Variants in NEK10 observed in about 807,000 individuals in gnomAD.
The protein encoded by NEK10 is serine/threonine-protein kinase Nek10.
Under a neutral mutation model 159.8 loss-of-function variants are expected in NEK10, and 122 were observed. The ratio of observed to expected loss-of-function variants is 0.76; its 90% confidence interval spans 0.66 to 0.89. The LOEUF (loss-of-function observed/expected upper bound fraction) is 0.89. Among genes scored for constraint, NEK10 ranks in the 40% least tolerant of loss-of-function variants. NEK10 has a pLI of 0.00. For synonymous variants in NEK10, 466 were observed against 457.1 expected, an observed-to-expected ratio of 1.02 and a Z score of -0.25; for missense variants, 1,342 against 1,323.1, an observed-to-expected ratio of 1.01 and a Z score of -0.22.
chr3:27,291,679 G>C, intron 16 of NEK10, 93 bp from the exon 17 acceptor site: 1 of 745,546 alleles, frequency 1.3e-6, no homozygotes, highest in East Asian at 2.7e-5. Context: ...GTCTCACTGT[G>C]TCACCCAGGC....
At chr3:27,234,888 A>G (rs2370945) in intron 23 of NEK10, among the ~76,000 whole-genome samples, 60,927 of 152,008 alleles carry the variant, frequency 0.4, 13,451 homozygotes, top group African/African-American at 0.6. Context: ...TAGTAACCAA[A>G]ACAGCATGGT....
intron 1 of NEK10, among the ~76,000 whole-genome samples, chr3:27,366,801 G>A (rs957001909): frequency 3.5e-5 from 5 of 142,792 alleles, no homozygotes; most frequent in Non-Finnish European, 7.5e-5. Context: ...AGACTTCAGT[G>A]TGTTCATTTT....
chr3:27,291,459 A>C, intron 17 of NEK10, 25 bp downstream of exon 17: 1 of 1,601,976 alleles, frequency 6.2e-7, no homozygotes, highest in Non-Finnish European at 8.6e-7. Flanking sequence ...GCAGCCTGCC[A>C]AAATATTGAA....
At chr3:27,331,698 A>G (rs2046432148) in intron 5 of NEK10, among the ~76,000 whole-genome samples, 2 of 152,152 alleles carry the variant, frequency 1.3e-5, no homozygotes, top group South Asian at 2.1e-4. Flanking sequence ...CTAAACACAT[A>G]ACTATATTAA....
intron 22 of NEK10, among the ~76,000 whole-genome samples, chr3:27,262,983 G>A (rs930873608): frequency 5.3e-5 from 8 of 152,116 alleles, no homozygotes; most frequent in East Asian, 1.9e-4. Context: ...TGATGGTGAC[G>A]TACAGATGGG....
chr3:27,196,664 A>G lies in NEK10; in HGVS notation c.2292-4422T>C, dbSNP rs569751488. On this transcript the variant is annotated intron_variant, in intron 25 of 35. Coordinates refer to ENST00000691995, the MANE Select transcript of NEK10 (RefSeq NM_001394966.1). ...GGTCTATTAGTTTCAGAAGAGATTT[A>G]CAGTCTATTTGCCCAGATTCACAAA... 1.8e-4 allele frequency among the ~76,000 whole-genome samples: 27 copies of G among 152,348 alleles called. No individual in the cohort carries two copies. The South Asian group carries it at 5.4e-3, about 30-fold the overall frequency.
intron 23 of NEK10, chr3:27,214,919 A>T: frequency 9.5e-7 from 1 of 1,052,174 alleles, no homozygotes; most frequent in Non-Finnish European, 1.5e-6. Context: ...TCTTCTTTTA[A>T]AGAAGGTGAG....
chr3:27,195,861 A>G (rs1031128916), intron 25 of NEK10, among the ~76,000 whole-genome samples: 2 of 152,194 alleles, frequency 1.3e-5, no homozygotes, highest in Admixed American at 1.3e-4. Flanking sequence ...TGTACATAAT[A>G]CAATATCATT....
chr3:27,243,171 G>A (rs1342626055), intron 23 of NEK10, among the ~76,000 whole-genome samples: 3 of 152,020 alleles, frequency 2.0e-5, no homozygotes, highest in African/African-American at 7.2e-5. Context: ...TCTTGTGTTA[G>A]CATCGTGTCA....
chr3:27,158,436 G>C (rs1945710354), intron 30 of NEK10, among the ~76,000 whole-genome samples: 1 of 152,014 alleles, frequency 6.6e-6, no homozygotes, highest in South Asian at 2.1e-4. Context: ...TTCGTATAAG[G>C]ACAACTAGAA....
At chr3:27,256,912 CTTTT>C (rs550014186) in intron 22 of NEK10, among the ~76,000 whole-genome samples, 29,525 of 123,862 alleles carry the variant, frequency 0.24, 2,024 homozygotes, top group Middle Eastern at 0.33. Context: ...TTTTTTCTCT[CTTTT>C]TTTTTTTTTT....
In NEK10 at chr3:27,310,778, T is replaced by A. The variant is rs114537143; in HGVS notation, c.636+171A>T. 799 of 474,076 alleles carry A rather than the reference T, an allele frequency of 1.7e-3. 4 individuals are homozygous for A. The highest frequency in any genetic ancestry group is 0.012 in the African/African-American group (614 of 50,220). 29.4% of individuals were successfully genotyped at this position (474,076 alleles called of 1,614,324 possible). On this transcript the variant is annotated intron_variant, in intron 9 of 35. Coordinates refer to ENST00000691995, the MANE Select transcript of NEK10 (RefSeq NM_001394966.1). The stretch of plus-strand genomic sequence containing the variant: ...TATTTATTATATCTCTATTAACTTG[T>A]AATGCTGGTAAAGAATATAAAAGGG...
chr3:27,354,642 T>C (rs1391590331), intron 1 of NEK10, among the ~76,000 whole-genome samples: 1 of 152,186 alleles, frequency 6.6e-6, no homozygotes. Flanking sequence ...GTCTACACTA[T>C]AATACAAAAT....
chr3:27,143,542 T>C, intron 30 of NEK10: 2 of 711,764 alleles, frequency 2.8e-6, no homozygotes, highest in South Asian at 1.5e-5. Context: ...GCAATTTTTT[T>C]AACTCAAAAA....
At chr3:27,138,396 T>C (rs764036351) in intron 31 of NEK10, among the ~76,000 whole-genome samples, 9 of 152,176 alleles carry the variant, frequency 5.9e-5, no homozygotes, top group Non-Finnish European at 1.2e-4. Flanking sequence ...CTTACTAATT[T>C]TTCTGATCTT....
At chr3:27,163,579 C>T (rs1405051077) in intron 29 of NEK10, among the ~76,000 whole-genome samples, 1 of 152,090 alleles carries the variant, frequency 6.6e-6, no homozygotes, top group Non-Finnish European at 1.5e-5. Flanking sequence ...GTCTCGATCT[C>T]CTGACGTCAT....
chr3:27,213,988 C>T (rs542634111), intron 23 of NEK10, among the ~76,000 whole-genome samples: 103 of 152,082 alleles, frequency 6.8e-4, no homozygotes, highest in Admixed American at 1.5e-3. Flanking sequence ...CCATCTATTG[C>T]CTCTAAGGGC....
In NEK10 at chr3:27,192,210, T is replaced by C. The variant is rs575751582; in HGVS notation, c.2324A>G (p.Asp775Gly). The change falls in exon 26 of 36, where the codon GAT becomes GGT. Residue 775 changes from aspartate (D) to glycine (G), a missense_variant. Physicochemically the swap from Asp to Gly is moderately conservative, Grantham distance 94. Transcript: ENST00000691995. Reference sequence around the variant, plus strand: ...TATCATCGAACTGACTTCTACAATATCTGGACGAGCTTCCGCATCAGGAGT... The same window carrying C: ...TATCATCGAACTGACTTCTACAATACCTGGACGAGCTTCCGCATCAGGAGT... The part of the protein sequence containing the change: ...CLTPDAEARP[D>G]IVEVSSMISD... 6.2e-7 allele frequency: 1 copy of C among 1,614,018 alleles called. No individual in the cohort carries two copies. The highest frequency in any genetic ancestry group is 8.5e-7 in the Non-Finnish European group (1 of 1,179,976).
At chr3:27,126,451 T>C (rs1443234183) in intron 32 of NEK10, among the ~76,000 whole-genome samples, 5 of 152,176 alleles carry the variant, frequency 3.3e-5, no homozygotes, top group Admixed American at 6.5e-5. Context: ...ATTTGGCCTA[T>C]TAGATAACCT....
Sources: gnomAD v4.1 joint callset for allele counts (sites outside exome capture counted in the v4.1 genomes callset) on GRCh38, gnomAD v4.1.1 for gene constraint, MANE v1.5 for transcripts, NCBI Gene and HGNC (gene_info 2026-07-23, HGNC 2026-07-21) for gene names.